Variants in TANC2 observed in about 807,000 individuals in gnomAD.
TANC2 encodes tetratricopeptide repeat, ankyrin repeat and coiled-coil containing 2.
TANC2 carries 26 observed loss-of-function variants against 210.5 expected under a neutral mutation model. The ratio of observed to expected loss-of-function variants is 0.12; its 90% CI spans 0.09 to 0.17. The LOEUF (loss-of-function observed/expected upper bound fraction) is 0.17. Ranked by LOEUF, TANC2 falls within the 10% of genes least tolerant of loss-of-function variation. The pLI is 1.00. For missense variants in TANC2, 2,129 were observed against 2,608.9 expected, an observed-to-expected ratio of 0.82 and a Z score of 4.01; for synonymous variants, 931 against 967.1, an observed-to-expected ratio of 0.96 and a Z score of 0.69.
chr17:63,025,802 A>T (rs1487032202), intron 2 of TANC2, among the ~76,000 whole-genome samples: 4 of 111,416 alleles, frequency 3.6e-5, no homozygotes, highest in African/African-American at 1.6e-4. Context: ...TCTCAAAAAT[A>T]AAATAAAATA....
intron 14 of TANC2, among the ~76,000 whole-genome samples, chr17:63,374,954 A>G (rs2047380272): frequency 6.6e-6 from 1 of 152,178 alleles, no homozygotes; most frequent in Non-Finnish European, 1.5e-5. Context: ...GAGAGAAAAT[A>G]TAGGAGAGGG....
At chr17:63,209,724 C>G (rs1308745213) in intron 7 of TANC2, among the ~76,000 whole-genome samples, 2 of 152,186 alleles carry the variant, frequency 1.3e-5, no homozygotes, top group Non-Finnish European at 2.9e-5. Context: ...TGAGCCACTG[C>G]TCTCGGGCTA....
chr17:63,349,496 GCTGGTAAATTTTT>G (rs1313045462), intron 12 of TANC2, among the ~76,000 whole-genome samples: 6 of 152,314 alleles, frequency 3.9e-5, no homozygotes, highest in Admixed American at 3.9e-4. Context: ...ACAGTGGTGT[GCTGGTAAATTTTT>G]AACAGCCACC....
chr17:63,406,372 C>CAGAT lies in TANC2; in HGVS notation c.3589+97_3589+100dup, dbSNP rs1341487921. ...AATGGATCCCAGGAGATGCTAAGAACAGATATTAATCCAGTTGGTTGGAAA... is the reference window on the plus strand; with the variant it reads ...AATGGATCCCAGGAGATGCTAAGAACAGATAGATATTAATCCAGTTGGTTGGAAA... On this transcript the variant is annotated intron_variant, in intron 21 of 27. Coordinates refer to ENST00000689528, the Ensembl canonical transcript of TANC2. 4 of 1,543,034 alleles carry CAGAT rather than the reference C, an allele frequency of 2.6e-6. No individual in the cohort carries two copies. In the African/African-American group the frequency reaches 5.5e-5, roughly 21 times the overall value.
At chr17:63,389,816 T>G (rs536457303) in intron 17 of TANC2, 1 of 426,768 alleles carries the variant, frequency 2.3e-6, no homozygotes, top group African/African-American at 2.0e-5. Context: ...CCAGAAATGA[T>G]CTATTGAGCT....
At chr17:63,290,121 A>G (rs533646460) in intron 9 of TANC2, among the ~76,000 whole-genome samples, 2 of 150,900 alleles carry the variant, frequency 1.3e-5, no homozygotes, top group African/African-American at 4.8e-5. Flanking sequence ...GGCATGTTTC[A>G]AAATGGTTAC....
intron 2 of TANC2, among the ~76,000 whole-genome samples, chr17:63,039,125 G>A (rs2035085192): frequency 6.6e-6 from 1 of 151,988 alleles, no homozygotes; most frequent in South Asian, 2.1e-4. Context: ...TACATGATAT[G>A]GTATGTAAAA....
At chr17:63,018,661 T>C (rs1195660915) in intron 2 of TANC2, among the ~76,000 whole-genome samples, 1 of 152,194 alleles carries the variant, frequency 6.6e-6, no homozygotes, top group Admixed American at 6.5e-5. Context: ...GACATTTCCA[T>C]CACCACAAGG....
At chr17:63,075,284 TATCTA>T (rs1367321164) in intron 3 of TANC2, among the ~76,000 whole-genome samples, 53 of 152,304 alleles carry the variant, frequency 3.5e-4, no homozygotes, top group Non-Finnish European at 4.6e-4. Flanking sequence ...TGAAATCACT[TATCTA>T]ATTTACTCTG....
At chr17:63,064,039 A>G (rs762318895) in intron 2 of TANC2, among the ~76,000 whole-genome samples, 7 of 152,324 alleles carry the variant, frequency 4.6e-5, no homozygotes, top group Non-Finnish European at 7.4e-5. Context: ...CTAATGCTGT[A>G]TAACTGTAAA....
At chr17:63,115,778 C>A (rs1226220710) in intron 4 of TANC2, among the ~76,000 whole-genome samples, 1 of 151,864 alleles carries the variant, frequency 6.6e-6, no homozygotes, top group Non-Finnish European at 1.5e-5. Context: ...TTTCTATTCC[C>A]ACAGTAGCTT....
exon 28 of TANC2, chr17:63,425,638 G>A (rs1568014689): frequency 2.0e-5 from 3 of 152,230 alleles, no homozygotes; most frequent in Non-Finnish European, 4.4e-5. Flanking sequence ...CCCCTCGGGA[G>A]AGAGGAGCTG....
intron 4 of TANC2, among the ~76,000 whole-genome samples, chr17:63,124,508 T>C (rs2038628043): frequency 1.3e-5 from 2 of 152,208 alleles, no homozygotes; most frequent in African/African-American, 4.8e-5. Context: ...ATATTTGTAT[T>C]CTGTTTCATT....
intron 12 of TANC2, among the ~76,000 whole-genome samples, chr17:63,347,090 C>T (rs1388963664): frequency 6.6e-6 from 1 of 152,164 alleles, no homozygotes; most frequent in South Asian, 2.1e-4. Flanking sequence ...GAAATGAAAA[C>T]ATATGTCTAC....
chr17:63,386,887 G>T (rs2147132061), intron 15 of TANC2, among the ~76,000 whole-genome samples: 1 of 152,022 alleles, frequency 6.6e-6, no homozygotes, highest in Middle Eastern at 3.4e-3. Flanking sequence ...AAGCCTCACG[G>T]TGTTGCCCAG....
intron 2 of TANC2, among the ~76,000 whole-genome samples, chr17:63,021,940 G>T (rs2034365078): frequency 1.3e-5 from 2 of 152,220 alleles, no homozygotes; most frequent in South Asian, 2.1e-4. Flanking sequence ...AGAGGTAAAT[G>T]AGGAATATCT....
intron 2 of TANC2, among the ~76,000 whole-genome samples, chr17:63,010,007 A>C (rs1330760232): frequency 6.6e-6 from 1 of 152,198 alleles, no homozygotes; most frequent in Non-Finnish European, 1.5e-5. Context: ...AGATTTATAC[A>C]GAAAGTGAAA....
intron 8 of TANC2, among the ~76,000 whole-genome samples, chr17:63,260,415 T>C (rs1283069487): frequency 1.3e-5 from 2 of 152,264 alleles, no homozygotes; most frequent in Non-Finnish European, 2.9e-5. Flanking sequence ...AGTAAAACTT[T>C]ATTAACAAAA....
At chr17:63,261,517 G>C (rs2043356054) in intron 8 of TANC2, among the ~76,000 whole-genome samples, 1 of 152,162 alleles carries the variant, frequency 6.6e-6, no homozygotes, top group South Asian at 2.1e-4. Flanking sequence ...AGACCACTAA[G>C]AACAAGGCAC....
Sources: gnomAD v4.1 joint callset for allele counts (sites outside exome capture counted in the v4.1 genomes callset) on GRCh38, gnomAD v4.1.1 for gene constraint, MANE v1.5 for transcripts, NCBI Gene and HGNC (gene_info 2026-07-23, HGNC 2026-07-21) for gene names.